The following SLC9A9 variants were observed in gnomAD, a reference collection of about 807,000 sequenced individuals.
SLC9A9 encodes solute carrier family 9 member A9.
A neutral mutation model predicts 77.8 loss-of-function variants in SLC9A9; 62 were observed. That is an observed-to-expected ratio of 0.80 (90% CI 0.65 to 0.98). The LOEUF is 0.98. Among genes scored for constraint, SLC9A9 ranks in the 50% least tolerant of loss-of-function variants. The pLI, the probability that SLC9A9 is intolerant of heterozygous loss-of-function variation, is 0.00. For synonymous variants in SLC9A9, 320 were observed against 283.5 expected, an observed-to-expected ratio of 1.13 and a Z score of -1.29; for missense variants, 775 against 774.9, an observed-to-expected ratio of 1.00 and a Z score of 0.00.
rs368870238 is a variant in SLC9A9 at position 143,663,117 on chromosome 3, C to T, written c.650-10757G>A. ...AGGAAGGATCAGGTAGCAACTTTGGCTGTTCGGCAATATTTGCTGTTCTGC... is the reference window on the plus strand; with the variant it reads ...AGGAAGGATCAGGTAGCAACTTTGGTTGTTCGGCAATATTTGCTGTTCTGC... On this transcript the variant is annotated intron_variant, in intron 5 of 15. Coordinates refer to ENST00000316549, the MANE Select transcript of SLC9A9 (RefSeq NM_173653.4). 7.2e-5 allele frequency among the ~76,000 whole-genome samples: 11 copies of T among 152,284 alleles called. No homozygotes were observed. The South Asian group carries it at 1.5e-3, about 20-fold the overall frequency.
chr3:143,384,891 A>G, intron 12 of SLC9A9, among the ~76,000 whole-genome samples: 1 of 152,250 alleles, frequency 6.6e-6, no homozygotes, highest in Non-Finnish European at 1.5e-5. Flanking sequence ...AATGTACCAC[A>G]GCTTAAGGGC....
chr3:143,440,228 A>G (rs893229703), intron 12 of SLC9A9, among the ~76,000 whole-genome samples: 4 of 152,202 alleles, frequency 2.6e-5, no homozygotes, highest in Non-Finnish European at 5.9e-5. Flanking sequence ...TGCTGAAAAC[A>G]CAGCAATTTA....
chr3:143,553,275 C>G (rs1033789745), intron 8 of SLC9A9, among the ~76,000 whole-genome samples: 14 of 151,902 alleles, frequency 9.2e-5, no homozygotes, highest in African/African-American at 3.4e-4. Flanking sequence ...TCCCTGGGCT[C>G]TGTTATTCTC....
intron 1 of SLC9A9, among the ~76,000 whole-genome samples, chr3:143,846,989 C>T (rs781194214): frequency 6.6e-6 from 1 of 152,142 alleles, no homozygotes; most frequent in Non-Finnish European, 1.5e-5. Context: ...ATCAGCATAT[C>T]AGCCTCCTGA....
intron 6 of SLC9A9, among the ~76,000 whole-genome samples, chr3:143,585,684 G>T (rs2037528906): frequency 6.6e-6 from 1 of 152,136 alleles, no homozygotes; most frequent in South Asian, 2.1e-4. Flanking sequence ...CCTTAATCTG[G>T]GGTTCCCCTG....
At position 143,702,302 on chromosome 3, in the gene SLC9A9, C is replaced by A. The variant is rs551044201; in HGVS notation, c.534-8995G>T. Among the ~76,000 whole-genome samples the A allele has an allele frequency of 3.3e-5, 5 of 152,152 alleles. No individual in the cohort carries two copies. In the South Asian group the frequency reaches 8.3e-4, roughly 25 times the overall value. On this transcript the variant is annotated intron_variant, in intron 4 of 15. Coordinates refer to ENST00000316549, the MANE Select transcript of SLC9A9 (RefSeq NM_173653.4). ...CTGTGTCTGTGGAATATAAACTATT[C>A]AGATCTTAATTAGAAAGGCTAAATG...
chr3:143,595,722 G>C (rs10513212), intron 6 of SLC9A9, among the ~76,000 whole-genome samples: 19,803 of 152,202 alleles, frequency 0.13, 1,612 homozygotes, highest in Non-Finnish European at 0.18. Context: ...GCAGGACAAA[G>C]GATATATGGG....
At chr3:143,844,980 G>A (rs1389658990) in intron 1 of SLC9A9, among the ~76,000 whole-genome samples, 4 of 151,976 alleles carry the variant, frequency 2.6e-5, no homozygotes, top group Non-Finnish European at 4.4e-5. Context: ...AGTACAATGT[G>A]GGATGCTGAA....
At chr3:143,645,863 A>C (rs1338131387) in intron 6 of SLC9A9, among the ~76,000 whole-genome samples, 1 of 152,064 alleles carries the variant, frequency 6.6e-6, no homozygotes, top group Admixed American at 6.6e-5. Context: ...ATTTATTGTC[A>C]TCCAAGAGTC....
intron 2 of SLC9A9, among the ~76,000 whole-genome samples, chr3:143,807,262 G>A (rs1479537379): frequency 6.6e-6 from 1 of 152,004 alleles, no homozygotes; most frequent in Admixed American, 6.6e-5. Flanking sequence ...TGGCCAAATT[G>A]GTGAAACATT....
At chr3:143,616,810 G>C (rs1324830171) in intron 6 of SLC9A9, among the ~76,000 whole-genome samples, 4 of 152,104 alleles carry the variant, frequency 2.6e-5, no homozygotes, top group Non-Finnish European at 4.4e-5. Flanking sequence ...ATAAAGAAGA[G>C]ATCTCCTTGT....
chr3:143,649,376 T>C (rs981550236), intron 6 of SLC9A9, among the ~76,000 whole-genome samples: 12 of 152,246 alleles, frequency 7.9e-5, no homozygotes, highest in Non-Finnish European at 1.2e-4. Flanking sequence ...TCAAAACTTT[T>C]ATGTTAAATA....
At chr3:143,834,217 A>G (rs2009508642) in intron 1 of SLC9A9, among the ~76,000 whole-genome samples, 1 of 152,196 alleles carries the variant, frequency 6.6e-6, no homozygotes, top group Non-Finnish European at 1.5e-5. Context: ...GCAAGAGAAA[A>G]TAAGTTATAG....
intron 9 of SLC9A9, among the ~76,000 whole-genome samples, chr3:143,527,742 T>C (rs1332824905): frequency 6.6e-6 from 1 of 152,122 alleles, no homozygotes; most frequent in African/African-American, 2.4e-5. Context: ...TCCCTCCCAA[T>C]GTTTAACCCT....
intron 6 of SLC9A9, among the ~76,000 whole-genome samples, chr3:143,636,923 T>C (rs1232394816): frequency 6.6e-6 from 1 of 152,056 alleles, no homozygotes; most frequent in Non-Finnish European, 1.5e-5. Context: ...AGATCACAAA[T>C]TAGCAAAGCC....
At chr3:143,325,569 G>C (rs1454048036) in intron 14 of SLC9A9, among the ~76,000 whole-genome samples, 1 of 152,190 alleles carries the variant, frequency 6.6e-6, no homozygotes, top group Non-Finnish European at 1.5e-5. Context: ...GCAAATCCAG[G>C]AGTAAAGGCT....
At chr3:143,641,404 T>TTTTTTG (rs2038619678) in intron 6 of SLC9A9, among the ~76,000 whole-genome samples, 1 of 140,574 alleles carries the variant, frequency 7.1e-6, no homozygotes, top group Non-Finnish European at 1.5e-5. Flanking sequence ...TTTTTTTTTT[T>TTTTTTG]TTTTTGAGAC....
chr3:143,630,037 GA>G (rs149688731), intron 6 of SLC9A9, among the ~76,000 whole-genome samples: 2 of 151,702 alleles, frequency 1.3e-5, no homozygotes, highest in East Asian at 3.9e-4. Flanking sequence ...GAGGCTCAAT[GA>G]AAAAACAAAA....
chr3:143,285,829 A>C (rs1175796828), intron 14 of SLC9A9, among the ~76,000 whole-genome samples: 1 of 152,174 alleles, frequency 6.6e-6, no homozygotes, highest in Admixed American at 6.6e-5. Flanking sequence ...TTTTTGCCAC[A>C]GGTGTCCAGG....
Sources: gnomAD v4.1 joint callset for allele counts (sites outside exome capture counted in the v4.1 genomes callset) on GRCh38, gnomAD v4.1.1 for gene constraint, MANE v1.5 for transcripts, NCBI Gene and HGNC (gene_info 2026-07-23, HGNC 2026-07-21) for gene names.